DOCK1: variants seen among roughly 807,000 people sequenced by gnomAD.
DOCK1 encodes dedicator of cytokinesis protein 1.
Under a neutral mutation model 262.7 loss-of-function variants are expected in DOCK1, and 138 were observed. The ratio of observed to expected loss-of-function variants is 0.53; its 90% CI spans 0.46 to 0.61. The LOEUF is 0.61. Ranked by LOEUF, DOCK1 falls within the 20% of genes least tolerant of loss-of-function variation. The pLI is 0.00. For synonymous variants in DOCK1, 866 were observed against 867.4 expected, an observed-to-expected ratio of 1.00 and a Z score of 0.03; for missense variants, 1,908 against 2,370.7, an observed-to-expected ratio of 0.80 and a Z score of 4.05.
chr10:127,002,042 A>C (rs573269183), intron 10 of DOCK1, among the ~76,000 whole-genome samples: 2 of 152,190 alleles, frequency 1.3e-5, no homozygotes, highest in Non-Finnish European at 2.9e-5. Flanking sequence ...ACTTGAATAC[A>C]TACTTGAAAA....
At position 127,403,151 on chromosome 10, in the gene DOCK1, C is replaced by T. The variant is rs1167290884; in HGVS notation, c.4017+7C>T. Reference sequence around the variant, plus strand: ...GCAACTCAGCGAATTGCTGGTGAGTCTTTATTTCTTTTTATTTAAATGAAC... The same window carrying T: ...GCAACTCAGCGAATTGCTGGTGAGTTTTTATTTCTTTTTATTTAAATGAAC... On this transcript the variant is annotated splice_region_variant and intron_variant, in intron 39 of 51. Coordinates refer to ENST00000623213, the MANE Select transcript of DOCK1 (RefSeq NM_001290223.2). 1 of 1,595,462 alleles carries T rather than the reference C, an allele frequency of 6.3e-7. No individual in the cohort carries two copies. Among genetic ancestry groups the T allele is most frequent in the East Asian group, 2.3e-5 (1 of 44,350 alleles).
intron 1 of DOCK1, among the ~76,000 whole-genome samples, chr10:126,954,466 G>C (rs1381062528): frequency 2.0e-5 from 3 of 152,188 alleles, no homozygotes; most frequent in Non-Finnish European, 4.4e-5. Context: ...ACCATTTTTA[G>C]GTGTACAGTT....
At chr10:126,915,434 G>C (rs376262058) in intron 1 of DOCK1, among the ~76,000 whole-genome samples, 1 of 149,624 alleles carries the variant, frequency 6.7e-6, no homozygotes. Flanking sequence ...TGGGGGCGGG[G>C]GGGGGATGGA....
chr10:127,404,054 T>G (rs2067373427), intron 39 of DOCK1, among the ~76,000 whole-genome samples: 1 of 152,230 alleles, frequency 6.6e-6, no homozygotes, highest in African/African-American at 2.4e-5. Flanking sequence ...AAAACACCCA[T>G]AAGTCACAAC....
intron 1 of DOCK1, among the ~76,000 whole-genome samples, chr10:126,940,652 C>T (rs1051289958): frequency 5.9e-5 from 9 of 152,238 alleles, no homozygotes; most frequent in Non-Finnish European, 1.3e-4. Flanking sequence ...GATCCACCCA[C>T]CTCAGCCTCC....
intron 47 of DOCK1, among the ~76,000 whole-genome samples, chr10:127,428,973 C>CGCGTGG (rs2069065067): frequency 8.0e-6 from 1 of 124,868 alleles, no homozygotes; most frequent in Non-Finnish European, 1.6e-5. Context: ...ATTCGGGTAC[C>CGCGTGG]ATGTGGATTG....
At chr10:127,223,028 A>G (rs183716896) in intron 27 of DOCK1, among the ~76,000 whole-genome samples, 1 of 152,286 alleles carries the variant, frequency 6.6e-6, no homozygotes, top group East Asian at 1.9e-4. Context: ...TCTGCAAATA[A>G]GTTTTAAAAA....
At chr10:127,081,122 C>T (rs764979610) in intron 23 of DOCK1, among the ~76,000 whole-genome samples, 18 of 152,074 alleles carry the variant, frequency 1.2e-4, no homozygotes, top group Non-Finnish European at 2.1e-4. Flanking sequence ...GAAGATAGAA[C>T]GATTTTCTTA....
intron 38 of DOCK1, among the ~76,000 whole-genome samples, chr10:127,397,736 AGCGACTCCTGTATGACACGG>A (rs1565059030): frequency 5.6e-5 from 6 of 106,454 alleles, no homozygotes; most frequent in African/African-American, 2.2e-4. Flanking sequence ...TGACCCGGGC[AGCGACTCCTGTATGACACGG>A]GCAGCGACTC....
chr10:127,372,507 C>A (rs973786221), intron 33 of DOCK1, among the ~76,000 whole-genome samples: 1 of 152,186 alleles, frequency 6.6e-6, no homozygotes, highest in Non-Finnish European at 1.5e-5. Flanking sequence ...CACTTTAATC[C>A]AATCTAAGTT....
At chr10:127,050,098 T>G (rs2044619857) in intron 21 of DOCK1, among the ~76,000 whole-genome samples, 1 of 151,382 alleles carries the variant, frequency 6.6e-6, no homozygotes, top group Admixed American at 6.6e-5. Context: ...GGTTGGGCAT[T>G]TGCATTGTTT....
intron 1 of DOCK1, among the ~76,000 whole-genome samples, chr10:126,941,290 C>T (rs1300876722): frequency 6.6e-6 from 1 of 152,158 alleles, no homozygotes; most frequent in African/African-American, 2.4e-5. Flanking sequence ...AGATGCTATA[C>T]TGTGTAAAGA....
At chr10:127,387,784 T>C (rs187445747) in intron 38 of DOCK1, among the ~76,000 whole-genome samples, 1 of 152,136 alleles carries the variant, frequency 6.6e-6, no homozygotes, top group East Asian at 1.9e-4. Context: ...TAACAGTGCT[T>C]CCTGACAGAT....
intron 2 of DOCK1, among the ~76,000 whole-genome samples, chr10:126,973,633 T>C (rs965994173): frequency 6.6e-6 from 1 of 152,284 alleles, no homozygotes; most frequent in Admixed American, 6.5e-5. Context: ...ACAACTAACT[T>C]TTTGGTTTTA....
At position 127,339,695 on chromosome 10, in the gene DOCK1, T is replaced by TTG. The variant is rs112206811; in HGVS notation, c.3123+650_3123+651dup. Among the ~76,000 whole-genome samples, 554 of 109,836 alleles carry TTG rather than the reference T, an allele frequency of 5.0e-3. 6 individuals carry two copies. Among genetic ancestry groups the TTG allele is most frequent in the Middle Eastern group, 9.1e-3 (2 of 220 alleles). The allele number at this position is 109,836 out of a possible 152,430, so 72.1% of individuals were successfully genotyped here. On this transcript the variant is annotated intron_variant, in intron 30 of 51. Coordinates refer to ENST00000623213, the MANE Select transcript of DOCK1 (RefSeq NM_001290223.2). Reference sequence around the variant, plus strand: ...AAGGATTGATTTTGCCTGGCCTGATTTGTGTGTGTGTGTGTGTGTGTGTGT... The same window carrying TTG: ...AAGGATTGATTTTGCCTGGCCTGATTTGTGTGTGTGTGTGTGTGTGTGTGTGT...
At chr10:127,419,146 C>T (rs1225050265) in intron 45 of DOCK1, among the ~76,000 whole-genome samples, 1 of 152,138 alleles carries the variant, frequency 6.6e-6, no homozygotes, top group Non-Finnish European at 1.5e-5. Flanking sequence ...CTGTATGGTC[C>T]ACAACACCTA....
At chr10:127,235,898 T>C (rs1363580852) in intron 27 of DOCK1, among the ~76,000 whole-genome samples, 3 of 152,108 alleles carry the variant, frequency 2.0e-5, no homozygotes, top group African/African-American at 7.2e-5. Context: ...TTCATGTGCA[T>C]CTTGGCCATT....
chr10:127,402,722 G>T (rs763238540), intron 38 of DOCK1: 27 of 538,512 alleles, frequency 5.0e-5, no homozygotes, highest in South Asian at 3.8e-4. Context: ...TGGCTCCAAG[G>T]CTGCTCCGAC....
intron 25 of DOCK1, among the ~76,000 whole-genome samples, chr10:127,124,206 C>T (rs989520882): frequency 6.6e-6 from 1 of 152,312 alleles, no homozygotes; most frequent in Middle Eastern, 3.4e-3. Flanking sequence ...TCCAATGTTG[C>T]ATGCTTATAG....
Sources: gnomAD v4.1 joint callset for allele counts (sites outside exome capture counted in the v4.1 genomes callset) on GRCh38, gnomAD v4.1.1 for gene constraint, MANE v1.5 for transcripts, NCBI Gene and HGNC (gene_info 2026-07-23, HGNC 2026-07-21) for gene names.